TSNARE1: variants seen among roughly 807,000 people sequenced by gnomAD.
TSNARE1 encodes t-SNARE domain-containing protein 1.
A neutral mutation model predicts 62.0 loss-of-function variants in TSNARE1; 49 were observed. The ratio of observed to expected loss-of-function variants is 0.79; its 90% confidence interval spans 0.63 to 1.00. The LOEUF (loss-of-function observed/expected upper bound fraction) is 1.00, where lower values mean the gene tolerates loss of function less well. Among genes scored for constraint, TSNARE1 ranks in the 50% least tolerant of loss-of-function variants. The probability of loss-of-function intolerance (pLI) is 0.00; values close to 1 mark genes in which losing one functional copy is unlikely to be tolerated. For missense variants in TSNARE1, 755 were observed against 700.1 expected, an observed-to-expected ratio of 1.08 and a Z score of -0.88; for synonymous variants, 328 against 294.4, an observed-to-expected ratio of 1.11 and a Z score of -1.17.
At chr8:142,233,252 C>T (rs370746839) in intron 12 of TSNARE1, among the ~76,000 whole-genome samples, 1 of 152,220 alleles carries the variant, frequency 6.6e-6, no homozygotes, top group East Asian at 1.9e-4. Context: ...CCGTGAGGCA[C>T]GAAGAGCTGG....
At chr8:142,237,624 T>G (rs957116368) in intron 12 of TSNARE1, among the ~76,000 whole-genome samples, 5 of 152,188 alleles carry the variant, frequency 3.3e-5, no homozygotes, top group Admixed American at 2.6e-4. Flanking sequence ...GTTTGGTCCG[T>G]GGCCGCATGC....
At chr8:142,212,807 TC>T (rs78538097) in intron 13 of TSNARE1, among the ~76,000 whole-genome samples, 5 of 116,354 alleles carry the variant, frequency 4.3e-5, no homozygotes, top group African/African-American at 7.3e-5. Context: ...CTCCAATCCT[TC>T]CCCCCCCTGT....
At chr8:142,368,077 C>T (rs1437662182) in intron 1 of TSNARE1, among the ~76,000 whole-genome samples, 1 of 151,808 alleles carries the variant, frequency 6.6e-6, no homozygotes, top group Non-Finnish European at 1.5e-5. Context: ...AAGACTGACA[C>T]ATGTCACAGC....
intron 13 of TSNARE1, among the ~76,000 whole-genome samples, chr8:142,217,391 AAAGC>A (rs1815929574): frequency 6.6e-6 from 1 of 152,050 alleles, no homozygotes; most frequent in Non-Finnish European, 1.5e-5. Flanking sequence ...AAAGAAAGAA[AAAGC>A]AAGCAAGCAA....
chr8:142,314,768 C>A (rs910838673), intron 8 of TSNARE1, among the ~76,000 whole-genome samples: 1 of 152,222 alleles, frequency 6.6e-6, no homozygotes, highest in African/African-American at 2.4e-5. Flanking sequence ...TTCCTGCTTC[C>A]CCAGAGCTAC....
At chr8:142,330,761 TGC>T (rs1339522301) in intron 6 of TSNARE1, 138 bp downstream of exon 6, 1 of 786,434 alleles carries the variant, frequency 1.3e-6, no homozygotes, top group African/African-American at 1.7e-5. Context: ...TGTGCATATG[TGC>T]GCACATGTGT....
chr8:142,273,970 G>A (rs897863814), intron 12 of TSNARE1: 30 of 984,986 alleles, frequency 3.0e-5, no homozygotes, highest in South Asian at 2.4e-4. Context: ...GCACCATCTC[G>A]TCTGCCAATA....
intron 4 of TSNARE1, among the ~76,000 whole-genome samples, chr8:142,332,146 C>T (rs1402101598): frequency 2.6e-5 from 4 of 152,200 alleles, no homozygotes; most frequent in Admixed American, 6.5e-5. Flanking sequence ...AGCACCTGCA[C>T]GTGGAGGCTC....
chr8:142,362,090 C>T (rs1440252888), intron 1 of TSNARE1, among the ~76,000 whole-genome samples: 2 of 152,258 alleles, frequency 1.3e-5, no homozygotes, highest in Non-Finnish European at 2.9e-5. Context: ...TGGATGGCCA[C>T]GCTGCAGCTC....
At chr8:142,375,888 T>C (rs1046177025) in intron 1 of TSNARE1, among the ~76,000 whole-genome samples, 58 of 152,096 alleles carry the variant, frequency 3.8e-4, no homozygotes, top group African/African-American at 1.3e-3. Flanking sequence ...TAGAGATGTG[T>C]GGACGCCTGC....
At chr8:142,338,913 C>A (rs1832149701) in intron 4 of TSNARE1, among the ~76,000 whole-genome samples, 1 of 152,246 alleles carries the variant, frequency 6.6e-6, no homozygotes, top group African/African-American at 2.4e-5. Context: ...TGGGAGCCAC[C>A]ATACACTGGC....
At chr8:142,338,222 G>A (rs921764587) in intron 4 of TSNARE1, among the ~76,000 whole-genome samples, 4 of 152,320 alleles carry the variant, frequency 2.6e-5, no homozygotes, top group East Asian at 3.9e-4. Flanking sequence ...CCAGTGCTGC[G>A]TCCCCCCACG....
chr8:142,268,583 T>A (rs934077725), intron 12 of TSNARE1, among the ~76,000 whole-genome samples: 1 of 152,212 alleles, frequency 6.6e-6, no homozygotes, highest in Non-Finnish European at 1.5e-5. Context: ...CAGCATCCAG[T>A]CCCTTCCGTC....
chr8:142,216,928 C>T (rs113836864), intron 13 of TSNARE1, among the ~76,000 whole-genome samples: 3,305 of 152,144 alleles, frequency 0.022, 127 homozygotes, highest in African/African-American at 0.074. Flanking sequence ...GGAGAGGAGA[C>T]GGTAGGTGAA....
intron 9 of TSNARE1, among the ~76,000 whole-genome samples, chr8:142,304,141 A>C (rs149678262): frequency 6.6e-6 from 1 of 152,380 alleles, no homozygotes; most frequent in East Asian, 1.9e-4. Context: ...AAGATCTAAA[A>C]AATCTGTTGA....
intron 1 of TSNARE1, among the ~76,000 whole-genome samples, chr8:142,363,656 C>A (rs1457280475): frequency 6.6e-6 from 1 of 152,160 alleles, no homozygotes; most frequent in Admixed American, 6.5e-5. Flanking sequence ...ACACCACGAA[C>A]TGGTCCCCAC....
intron 12 of TSNARE1, among the ~76,000 whole-genome samples, chr8:142,244,855 G>T (rs1157476136): frequency 6.6e-6 from 1 of 152,250 alleles, no homozygotes; most frequent in African/African-American, 2.4e-5. Flanking sequence ...CCGGCAAGGG[G>T]CCTTCCTGCA....
At chr8:142,233,294 C>T (rs952460616) in intron 12 of TSNARE1, among the ~76,000 whole-genome samples, 1 of 152,228 alleles carries the variant, frequency 6.6e-6, no homozygotes, top group Non-Finnish European at 1.5e-5. Flanking sequence ...GCCCCTTTTA[C>T]AGATGGGAGG....
intron 12 of TSNARE1, among the ~76,000 whole-genome samples, chr8:142,243,899 A>T (rs1477247793): frequency 6.6e-6 from 1 of 152,234 alleles, no homozygotes; most frequent in African/African-American, 2.4e-5. Flanking sequence ...AAAATATACA[A>T]AAAAGAAGCC....
Sources: allele counts gnomAD v4.1 joint callset (sites outside exome capture counted in the v4.1 genomes callset), GRCh38; gene constraint gnomAD v4.1.1; transcripts MANE v1.5; gene names NCBI Gene and HGNC (gene_info 2026-07-23, HGNC 2026-07-21).